Variants in XPNPEP3 observed in about 807,000 individuals in gnomAD.
XPNPEP3 encodes the protein X-prolyl aminopeptidase 3, also known as xaa-Pro aminopeptidase 3.
In XPNPEP3, 41 loss-of-function variants were observed where a neutral mutation model predicts 60.0. The ratio of observed to expected loss-of-function variants is 0.68; its 90% CI spans 0.53 to 0.89. XPNPEP3 has a LOEUF of 0.89. XPNPEP3 is among the 40% of genes least tolerant of loss of function. The pLI, the probability that XPNPEP3 is intolerant of heterozygous loss-of-function variation, is 0.00. For synonymous variants in XPNPEP3, 212 were observed against 223.2 expected (o/e 0.95, Z 0.45); for missense variants, 598 against 638.9 (o/e 0.94, Z 0.69).
chr22:40,870,633 A>G (rs191836635), intron 2 of XPNPEP3, among the ~76,000 whole-genome samples: 48 of 152,334 alleles, frequency 3.2e-4, no homozygotes, highest in Admixed American at 1.6e-3. Context: ...AAGTATCAAA[A>G]GAATTAATCA....
chr22:40,915,660 A>G (rs954391215), intron 7 of XPNPEP3, among the ~76,000 whole-genome samples: 2 of 152,078 alleles, frequency 1.3e-5, no homozygotes, highest in African/African-American at 4.8e-5. Flanking sequence ...CCACAGCCTT[A>G]TTGATTTAAG....
intron 6 of XPNPEP3, among the ~76,000 whole-genome samples, chr22:40,911,889 TAAATATA>T (rs561175512): frequency 4.7e-4 from 71 of 152,262 alleles, no homozygotes; most frequent in African/African-American, 1.7e-3. Context: ...TTCATGAAGT[TAAATATA>T]TTGTCATAAG....
intron 1 of XPNPEP3, chr22:40,860,100 T>C (rs1174505855): frequency 1.3e-5 from 2 of 152,210 alleles, no homozygotes; most frequent in Non-Finnish European, 2.9e-5. Flanking sequence ...AGTTTTTCTT[T>C]AGAGACAGGG....
intron 4 of XPNPEP3, chr22:40,888,456 C>A: frequency 2.3e-6 from 1 of 429,102 alleles, no homozygotes; most frequent in Non-Finnish European, 4.7e-6. Flanking sequence ...GTTGTCCAGG[C>A]TAGTCTCGAA....
In XPNPEP3 at chr22:40,896,727, G is replaced by A. The variant is rs558199249; in HGVS notation, c.792+10212G>A. ...ATGACATTAGGTATATTCACACTGT[G>A]TGTGACTATTACTACTATCTTTTTT... On this transcript the variant is annotated intron_variant, in intron 4 of 9. Coordinates refer to ENST00000357137, the MANE Select transcript of XPNPEP3 (RefSeq NM_022098.4). Among the ~76,000 whole-genome samples the A allele has an allele frequency of 9.2e-5, 14 of 152,196 alleles. No homozygotes were observed. The South Asian group carries it at 2.7e-3, about 29-fold the overall frequency.
In XPNPEP3 at chr22:40,901,233, G is replaced by A. The variant is rs1342622501; in HGVS notation, c.793-6354G>A. Among the ~76,000 whole-genome samples, 15 of 38,024 alleles carry A rather than the reference G, an allele frequency of 3.9e-4. 1 individual carries two copies. Among genetic ancestry groups the A allele is most frequent in the East Asian group, 1.8e-3 (2 of 1,096 alleles). 24.9% of individuals were successfully genotyped at this position (38,024 alleles called of 152,430 possible). On this transcript the variant is annotated intron_variant, in intron 4 of 9. Transcript: ENST00000357137. ...GGTTCTAGTATCTAGAATATTTAAA[G>A]AACTTTTTTTTTTTTTGAGATGGAG... is the stretch of plus-strand genomic sequence containing the variant.
intron 4 of XPNPEP3, among the ~76,000 whole-genome samples, chr22:40,890,119 C>T (rs1418334795): frequency 6.6e-6 from 1 of 152,192 alleles, no homozygotes; most frequent in Non-Finnish European, 1.5e-5. Flanking sequence ...TGTATTTGAT[C>T]ATCATCATCA....
At chr22:40,890,108 A>G (rs2058083194) in intron 4 of XPNPEP3, among the ~76,000 whole-genome samples, 1 of 152,182 alleles carries the variant, frequency 6.6e-6, no homozygotes, top group East Asian at 1.9e-4. Flanking sequence ...CAGTCTCTCA[A>G]TGTATTTGAT....
At position 40,865,591 on chromosome 22, in the gene XPNPEP3, G is replaced by A. The variant is rs2057974498; in HGVS notation, c.65-3408G>A. On this transcript the variant is annotated intron_variant, in intron 1 of 9. Transcript: ENST00000357137. ...GATCCACTTGCCTCGGCCTCCCAAA[G>A]TGCTGGGATTACAGGTGTGAGCCAC... Among the ~76,000 whole-genome samples the A allele has an allele frequency of 3.3e-5, 5 of 151,192 alleles. No individual in the cohort carries two copies. The South Asian group carries it at 8.4e-4, about 25-fold the overall frequency.
chr22:40,861,956 A>G (rs1044942445), intron 1 of XPNPEP3: 1 of 1,610,108 alleles, frequency 6.2e-7, no homozygotes, highest in Non-Finnish European at 8.5e-7. Flanking sequence ...CAGGTGAAGC[A>G]TATCTTTGCA....
intron 1 of XPNPEP3, among the ~76,000 whole-genome samples, chr22:40,865,257 A>G (rs2057972580): frequency 6.6e-6 from 1 of 150,688 alleles, no homozygotes; most frequent in Non-Finnish European, 1.5e-5. Context: ...TGATGTTACC[A>G]TATCCAGTGG....
At chr22:40,901,215 G>A (rs1173332367) in intron 4 of XPNPEP3, among the ~76,000 whole-genome samples, 1 of 147,758 alleles carries the variant, frequency 6.8e-6, no homozygotes, top group Non-Finnish European at 1.5e-5. Flanking sequence ...TAAGGTTCTA[G>A]TATCTAGAAT....
intron 6 of XPNPEP3, among the ~76,000 whole-genome samples, chr22:40,911,338 T>A (rs976724909): frequency 3.9e-5 from 6 of 152,118 alleles, no homozygotes; most frequent in African/African-American, 1.4e-4. Context: ...TTATGCTGTC[T>A]TTTTCTGGTT....
intron 8 of XPNPEP3, among the ~76,000 whole-genome samples, chr22:40,922,743 CACAT>C (rs1231085396): frequency 2.6e-5 from 4 of 152,056 alleles, no homozygotes; most frequent in African/African-American, 9.6e-5. Flanking sequence ...CACACACACA[CACAT>C]ATATATATAC....
At chr22:40,892,571 A>G (rs1455991041) in intron 4 of XPNPEP3, among the ~76,000 whole-genome samples, 1 of 152,140 alleles carries the variant, frequency 6.6e-6, no homozygotes, top group African/African-American at 2.4e-5. Context: ...TAATTCCACT[A>G]AGGCTCTCTT....
chr22:40,889,842 C>T (rs1734382062), intron 4 of XPNPEP3, among the ~76,000 whole-genome samples: 1 of 151,948 alleles, frequency 6.6e-6, no homozygotes, highest in Non-Finnish European at 1.5e-5. Flanking sequence ...AAAATGCATA[C>T]ACAGAATCCA....
intron 8 of XPNPEP3, 51 bp downstream of exon 8, chr22:40,922,564 A>G: frequency 6.2e-7 from 1 of 1,600,318 alleles, no homozygotes; most frequent in South Asian, 1.1e-5. Flanking sequence ...GCATGCTGCT[A>G]GGTTTTTACC....
At position 40,929,635 on chromosome 22, in the gene XPNPEP3, G is replaced by C. The variant is rs2058247866; in HGVS notation, c.*3200G>C. 1 of 152,166 alleles carries C rather than the reference G, an allele frequency of 6.6e-6. No individual in the cohort carries two copies. Among genetic ancestry groups the C allele is most frequent in the African/African-American group, 2.4e-5 (1 of 41,414 alleles). The allele number at this position is 152,166 out of a possible 1,614,324, so 9.4% of individuals were successfully genotyped here. A position where few individuals can be genotyped will look rare whatever the true frequency, so the allele number is the denominator to read the frequency against. On this transcript the variant is annotated 3_prime_UTR_variant, in exon 10 of 10. Transcript: ENST00000357137. ...ATTGGTAGGCAGAAAGGCTGTTGTA[G>C]AATTCTTCTGGTGATTTTCAGTCCC...
At chr22:40,898,223 C>G (rs1185728258) in intron 4 of XPNPEP3, among the ~76,000 whole-genome samples, 1 of 89,226 alleles carries the variant, frequency 1.1e-5, no homozygotes, top group Non-Finnish European at 2.2e-5. Flanking sequence ...GGTCTTTGAC[C>G]CATTTTTTTT....
Sources: gnomAD v4.1 joint callset for allele counts (sites outside exome capture counted in the v4.1 genomes callset) on GRCh38, gnomAD v4.1.1 for gene constraint, MANE v1.5 for transcripts, NCBI Gene and HGNC (gene_info 2026-07-23, HGNC 2026-07-21) for gene names.